Variants in UVRAG observed in about 807,000 individuals in gnomAD.
UVRAG encodes the protein UV radiation resistance associated.
UVRAG carries 19 observed loss-of-function variants against 78.0 expected under a neutral mutation model. The ratio of observed to expected loss-of-function variants is 0.24; its 90% CI spans 0.17 to 0.36. The LOEUF (loss-of-function observed/expected upper bound fraction) is 0.36. Among genes scored for constraint, UVRAG ranks in the 10% least tolerant of loss-of-function variants. The pLI is 1.00. For missense variants in UVRAG, 740 were observed against 853.8 expected, an observed-to-expected ratio of 0.87 and a Z score of 1.66; for synonymous variants, 323 against 324.6, an observed-to-expected ratio of 1.00 and a Z score of 0.05.
rs117118729 is a variant in UVRAG at position 76,090,703 on chromosome 11, C to G, written c.1305+24915C>G. Among the ~76,000 whole-genome samples, 1,409 of 152,158 alleles carry G rather than the reference C, an allele frequency of 9.3e-3. 11 individuals are homozygous for G. The highest frequency in any genetic ancestry group is 0.017 in the Non-Finnish European group (1,134 of 67,968). On this transcript the variant is annotated intron_variant, in intron 13 of 14. Transcript: ENST00000356136. ...TTTTATTTCCTTTGGAGCTTATTTT[C>G]TTATTTTTTCTTTGATTAGTTTTCA...
intron 6 of UVRAG, among the ~76,000 whole-genome samples, chr11:75,940,595 C>T (rs1442075758): frequency 6.6e-6 from 1 of 152,056 alleles, no homozygotes; most frequent in Non-Finnish European, 1.5e-5. Context: ...GAGAACTCCC[C>T]AAGTGCTTTG....
chr11:76,006,883 G>A (rs550502892), intron 9 of UVRAG, among the ~76,000 whole-genome samples: 8 of 152,110 alleles, frequency 5.3e-5, no homozygotes, highest in Admixed American at 2.0e-4. Flanking sequence ...TGAAATCTTG[G>A]TCACATTACT....
At chr11:75,976,296 A>G (rs1949237629) in intron 7 of UVRAG, among the ~76,000 whole-genome samples, 2 of 152,188 alleles carry the variant, frequency 1.3e-5, no homozygotes, top group African/African-American at 4.8e-5. Flanking sequence ...TTTTTACATC[A>G]ATGTTCATCA....
At chr11:75,855,980 A>G (rs779592174) in intron 2 of UVRAG, among the ~76,000 whole-genome samples, 31 of 152,068 alleles carry the variant, frequency 2.0e-4, no homozygotes, top group Non-Finnish European at 3.5e-4. Flanking sequence ...AAAATTGGAA[A>G]TTTTTATTTT....
intron 8 of UVRAG, among the ~76,000 whole-genome samples, chr11:75,990,306 T>C (rs1017077564): frequency 6.6e-6 from 1 of 152,192 alleles, no homozygotes; most frequent in African/African-American, 2.4e-5. Flanking sequence ...ATCTCTACAA[T>C]GGGGTTAATA....
chr11:75,960,162 T>G (rs893011317), intron 6 of UVRAG, among the ~76,000 whole-genome samples: 5 of 151,760 alleles, frequency 3.3e-5, no homozygotes, highest in Non-Finnish European at 7.4e-5. Context: ...ATGGCTCCAG[T>G]AGACTTGATT....
intron 6 of UVRAG, among the ~76,000 whole-genome samples, chr11:75,918,087 C>T (rs562019752): frequency 6.6e-6 from 1 of 151,876 alleles, no homozygotes; most frequent in Non-Finnish European, 1.5e-5. Context: ...GATACGTGGG[C>T]TGGGTGTGGT....
chr11:75,880,123 G>A (rs371891661), intron 4 of UVRAG, 83 bp downstream of exon 4: 8 of 1,512,574 alleles, frequency 5.3e-6, no homozygotes, highest in South Asian at 5.1e-5. Flanking sequence ...CTGATTCTGC[G>A]TTTCCTATTA....
intron 6 of UVRAG, among the ~76,000 whole-genome samples, chr11:75,927,860 A>T (rs1033568121): frequency 3.9e-5 from 6 of 151,908 alleles, no homozygotes; most frequent in African/African-American, 1.5e-4. Flanking sequence ...GTAGAGTTTT[A>T]TTTTTTTTCC....
At chr11:75,947,072 C>T (rs1397592040) in intron 6 of UVRAG, among the ~76,000 whole-genome samples, 2 of 152,110 alleles carry the variant, frequency 1.3e-5, no homozygotes, top group East Asian at 1.9e-4. Context: ...TTTTCTCTTC[C>T]TGTTCTTTTG....
At chr11:75,973,126 G>A (rs1232066762) in intron 7 of UVRAG, among the ~76,000 whole-genome samples, 1 of 152,128 alleles carries the variant, frequency 6.6e-6, no homozygotes, top group Admixed American at 6.5e-5. Flanking sequence ...CAAACTTAGG[G>A]GATAAGCATC....
chr11:76,026,974 A>G (rs150763810), intron 12 of UVRAG, among the ~76,000 whole-genome samples: 84 of 152,186 alleles, frequency 5.5e-4, no homozygotes, highest in African/African-American at 1.9e-3. Flanking sequence ...TCAAGGTGAA[A>G]AAAAAAAAGT....
At chr11:75,930,987 C>CTTTCTTTCTTTCTTT (rs1948228709) in intron 6 of UVRAG, 1 of 143,598 alleles carries the variant, frequency 7.0e-6, no homozygotes, top group African/African-American at 2.6e-5. Context: ...TTCTTTCTTT[C>CTTTCTTTCTTTCTTT]CATTTTTAAT....
chr11:75,815,703 C>T (rs187944878), intron 1 of UVRAG, among the ~76,000 whole-genome samples, 179 bp downstream of exon 1: 7 of 152,256 alleles, frequency 4.6e-5, no homozygotes, highest in Non-Finnish European at 8.8e-5. Context: ...ATGGCCGAAC[C>T]TCCGGGAGAT....
In UVRAG at chr11:76,115,910, T is replaced by G. The variant is rs754793947; in HGVS notation, c.1306-14T>G. On this transcript the variant is annotated splice_polypyrimidine_tract_variant and intron_variant, in intron 13 of 14. Coordinates refer to ENST00000356136, the MANE Select transcript of UVRAG (RefSeq NM_003369.4). ...TGCCAAAATATCTTTAATTCTATTT[T>G]TTCACCTTCACAGCTAAGATATCAA... 6.2e-7 allele frequency: 1 copy of G among 1,613,074 alleles called. No homozygotes were observed. Among genetic ancestry groups the G allele is most frequent in the South Asian group, 1.1e-5 (1 of 91,002 alleles).
chr11:76,001,174 C>G (rs905718910), intron 8 of UVRAG, among the ~76,000 whole-genome samples: 4 of 152,006 alleles, frequency 2.6e-5, no homozygotes, highest in African/African-American at 9.7e-5. Context: ...CTGGAAGTTA[C>G]TAACAGAAAA....
intron 6 of UVRAG, among the ~76,000 whole-genome samples, chr11:75,939,064 A>G (rs1025114115): frequency 1.3e-5 from 2 of 151,848 alleles, no homozygotes; most frequent in African/African-American, 4.8e-5. Context: ...GCCAGTCTTG[A>G]AATCTATCCT....
In UVRAG at chr11:76,137,264, T is replaced by G. The variant is rs79483945; in HGVS notation, c.1398-3447T>G. On this transcript the variant is annotated intron_variant, in intron 14 of 14. Coordinates refer to ENST00000356136, the MANE Select transcript of UVRAG (RefSeq NM_003369.4). ...GGCCACTGCGGGCAGGGGCACTGAT[T>G]CAACCACCCACAGCGCCAGAGGGGA... 3,577 of 451,614 alleles carry G rather than the reference T, an allele frequency of 7.9e-3. 100 individuals carry two copies. The highest frequency in any genetic ancestry group is 0.067 in the African/African-American group (3,334 of 49,946). The allele number at this position is 451,614 out of a possible 1,614,324, so 28.0% of individuals were successfully genotyped here.
chr11:75,948,726 A>G (rs148677983), intron 6 of UVRAG, among the ~76,000 whole-genome samples: 76 of 152,284 alleles, frequency 5.0e-4, no homozygotes, highest in Middle Eastern at 6.8e-3. Flanking sequence ...TTAATTACCC[A>G]TAGATACATA....
Sources: gnomAD v4.1 joint callset for allele counts (sites outside exome capture counted in the v4.1 genomes callset) on GRCh38, gnomAD v4.1.1 for gene constraint, MANE v1.5 for transcripts, NCBI Gene and HGNC (gene_info 2026-07-23, HGNC 2026-07-21) for gene names.